SERPINB10: variants seen among roughly 807,000 people sequenced by gnomAD.
SERPINB10 encodes serpin family B member 10.
Under a neutral mutation model 39.1 loss-of-function variants are expected in SERPINB10, and 35 were observed. The ratio of observed to expected loss-of-function variants is 0.90; its 90% CI spans 0.68 to 1.19. The LOEUF (loss-of-function observed/expected upper bound fraction) is 1.19. Ranked by LOEUF, SERPINB10 falls within the 50% of genes most tolerant of loss-of-function variation. The pLI is 0.00. For missense variants in SERPINB10, 546 were observed against 460.5 expected (o/e 1.19, Z -1.70); for synonymous variants, 190 against 158.1 (o/e 1.20, Z -1.52).
intron 6 of SERPINB10, among the ~76,000 whole-genome samples, chr18:63,932,059 C>T (rs529239695): frequency 3.3e-5 from 5 of 152,300 alleles, no homozygotes; most frequent in African/African-American, 9.6e-5. Context: ...AATGTTCCTC[C>T]ATGTCTTTTC....
chr18:63,923,343 AG>A (rs1207925289), intron 5 of SERPINB10, among the ~76,000 whole-genome samples: 1 of 152,010 alleles, frequency 6.6e-6, no homozygotes, highest in Non-Finnish European at 1.5e-5. Context: ...GACTTTGTCG[AG>A]GCAGAGTTCC....
At chr18:63,917,705 G>A (rs983803110) in intron 3 of SERPINB10, among the ~76,000 whole-genome samples, 184 bp downstream of exon 3, 1 of 151,752 alleles carries the variant, frequency 6.6e-6, no homozygotes, top group Non-Finnish European at 1.5e-5. Context: ...TTGTCCCCAC[G>A]CCCTTTTAAT....
At chr18:63,916,637 T>A (rs2050105038) in intron 2 of SERPINB10, among the ~76,000 whole-genome samples, 1 of 152,112 alleles carries the variant, frequency 6.6e-6, no homozygotes, top group African/African-American at 2.4e-5. Flanking sequence ...CTCAAAAGTC[T>A]TAATCATTAA....
intron 5 of SERPINB10, among the ~76,000 whole-genome samples, chr18:63,921,899 T>A (rs2050149220): frequency 6.6e-6 from 1 of 151,950 alleles, no homozygotes; most frequent in South Asian, 2.1e-4. Context: ...ATTTCTTCTA[T>A]CTGAAATACC....
At position 63,935,569 on chromosome 18, in the gene SERPINB10, A is replaced by G; in HGVS notation, c.*327A>G. 1 of 205,588 alleles carries G rather than the reference A, an allele frequency of 4.9e-6. No homozygotes were observed. The highest frequency in any genetic ancestry group is 1.1e-4 in the East Asian group (1 of 8,976). 12.7% of individuals were successfully genotyped at this position (205,588 alleles called of 1,614,324 possible). A position where few individuals can be genotyped will look rare whatever the true frequency, so the allele number is the denominator to read the frequency against. ...CATGATACTTGTTATCATATATTTC[A>G]TATACATCATTAAATGAAAAAAAAT... is the stretch of plus-strand genomic sequence containing the variant. On this transcript the variant is annotated 3_prime_UTR_variant, in exon 8 of 8. Coordinates refer to ENST00000238508, the MANE Select transcript of SERPINB10 (RefSeq NM_005024.3).
intron 1 of SERPINB10, among the ~76,000 whole-genome samples, chr18:63,909,114 A>G (rs1011740217): frequency 6.6e-6 from 1 of 152,000 alleles, no homozygotes; most frequent in African/African-American, 2.4e-5. Flanking sequence ...TGAAATGTCT[A>G]TGATGAGACA....
At chr18:63,919,729 T>C in intron 4 of SERPINB10, 59 bp from the exon 5 acceptor site, 1 of 1,185,456 alleles carries the variant, frequency 8.4e-7, no homozygotes, top group Non-Finnish European at 1.2e-6. Flanking sequence ...TCTAAATAGA[T>C]TTGATTTCTC....
At chr18:63,914,635 A>G (rs1461915031) in intron 1 of SERPINB10, among the ~76,000 whole-genome samples, 2 of 151,998 alleles carry the variant, frequency 1.3e-5, no homozygotes, top group Non-Finnish European at 2.9e-5. Context: ...GTAGCATAAT[A>G]TCCATGCAGT....
At chr18:63,915,183 T>G (rs1420561285) in intron 1 of SERPINB10, among the ~76,000 whole-genome samples, 1 of 151,980 alleles carries the variant, frequency 6.6e-6, no homozygotes, top group African/African-American at 2.4e-5. Flanking sequence ...TACAAACACA[T>G]GGAAACAAAA....
Position 63,917,478 on chromosome 18 carries a change from A to T in SERPINB10, c.191A>T (p.Gln64Leu). The T allele has an allele frequency of 6.3e-7, 1 of 1,584,816 alleles. No individual in the cohort carries two copies. The highest frequency in any genetic ancestry group is 8.6e-7 in the Non-Finnish European group (1 of 1,164,574). Residue 64 changes from glutamine (Q) to leucine (L), a missense_variant, in exon 3 of 8, where the codon CAG becomes CTG. By Grantham distance (113) the Gln-to-Leu change is moderately radical. Transcript: ENST00000238508. Reference sequence around the variant, plus strand: ...CAGGTGCTTCAATTTAACAGAGACCAGGGAGTCAAATGTGACCCTGAAAGT... The same window carrying T: ...CAGGTGCTTCAATTTAACAGAGACCTGGGAGTCAAATGTGACCCTGAAAGT... ...MAQVLQFNRD[Q>L]GVKCDPESEK...
rs775723690 is a variant in SERPINB10 at position 63,934,926 on chromosome 18, A to G, written c.878A>G (p.Lys293Arg). The G allele has an allele frequency of 3.7e-6, 6 of 1,614,216 alleles. No homozygotes were observed. In the Admixed American group the frequency reaches 8.3e-5, roughly 22 times the overall value. Residue 293 changes from lysine to arginine, a missense_variant, in exon 8 of 8, where the codon AAG becomes AGG. Transcript: ENST00000238508. Reference protein sequence around the residue: ...ELYEVQLHLPKFKLEDSYDLK... With the variant: ...ELYEVQLHLPRFKLEDSYDLK... ...TATGAAGTGCAGCTACACCTTCCCA[A>G]GTTCAAGCTGGAAGACAGTTATGAT...
At chr18:63,919,236 A>AT (rs397969917) in intron 4 of SERPINB10, among the ~76,000 whole-genome samples, 3,585 of 142,832 alleles carry the variant, frequency 0.025, 114 homozygotes, top group African/African-American at 0.059. Flanking sequence ...TGAAGGCCTC[A>AT]TTTTTTTTTT....
intron 5 of SERPINB10, among the ~76,000 whole-genome samples, chr18:63,925,201 T>C (rs934296561): frequency 6.6e-6 from 1 of 152,012 alleles, no homozygotes; most frequent in Non-Finnish European, 1.5e-5. Flanking sequence ...TATGACCTTC[T>C]AGTCTTCAAT....
chr18:63,915,219 A>T (rs1403229769), intron 1 of SERPINB10, among the ~76,000 whole-genome samples: 1 of 152,096 alleles, frequency 6.6e-6, no homozygotes, highest in East Asian at 1.9e-4. Flanking sequence ...ATGTCAAGAG[A>T]GTGGCAAAAA....
At chr18:63,925,768 A>G (rs1326195886) in intron 5 of SERPINB10, among the ~76,000 whole-genome samples, 1 of 152,000 alleles carries the variant, frequency 6.6e-6, no homozygotes, top group Non-Finnish European at 1.5e-5. Flanking sequence ...CACAGTAGTA[A>G]TTGTTTTAGA....
At chr18:63,922,554 G>A (rs1568246988) in intron 5 of SERPINB10, among the ~76,000 whole-genome samples, 1 of 151,904 alleles carries the variant, frequency 6.6e-6, no homozygotes, top group Non-Finnish European at 1.5e-5. Context: ...AGATTGGAAG[G>A]CTGGGGCAAC....
chr18:63,909,865 G>A (rs537206059), intron 1 of SERPINB10, among the ~76,000 whole-genome samples: 33 of 152,194 alleles, frequency 2.2e-4, no homozygotes, highest in Admixed American at 1.8e-3. Context: ...TTGATCTGTT[G>A]AGGAAGAAAG....
At chr18:63,928,538 C>A (rs1599089859) in intron 5 of SERPINB10, among the ~76,000 whole-genome samples, 1 of 152,020 alleles carries the variant, frequency 6.6e-6, no homozygotes, top group Non-Finnish European at 1.5e-5. Flanking sequence ...TTAATCAGAG[C>A]AGCTCACGGT....
intron 6 of SERPINB10, 99 bp from the exon 7 acceptor site, chr18:63,932,949 C>A (rs550262456): frequency 8.9e-7 from 1 of 1,123,938 alleles, no homozygotes; most frequent in Non-Finnish European, 1.3e-6. Flanking sequence ...TCAGCAGTTT[C>A]ACCAACTGAG....
Sources: allele counts gnomAD v4.1 joint callset (sites outside exome capture counted in the v4.1 genomes callset), GRCh38; gene constraint gnomAD v4.1.1; transcripts MANE v1.5; gene names NCBI Gene and HGNC (gene_info 2026-07-23, HGNC 2026-07-21).